The following ACACB variants were observed in gnomAD, a reference collection of about 807,000 sequenced individuals.
ACACB encodes the protein acetyl-CoA carboxylase beta.
In ACACB, 209 loss-of-function variants were observed where a neutral mutation model predicts 278.8. That is an observed-to-expected ratio of 0.75 (90% confidence interval 0.67 to 0.84). The LOEUF is 0.84. Among genes scored for constraint, ACACB ranks in the 40% least tolerant of loss-of-function variants. The pLI is 0.00. For missense variants in ACACB, 2,850 were observed against 3,269.0 expected, an observed-to-expected ratio of 0.87 and a Z score of 3.13; for synonymous variants, 1,174 against 1,285.6, an observed-to-expected ratio of 0.91 and a Z score of 1.86.
At position 109,246,389 on chromosome 12, in the gene ACACB, G is replaced by A. The variant is rs1418231763; in HGVS notation, c.5512G>A (p.Ala1838Thr). 7 of 1,613,596 alleles carry A rather than the reference G, an allele frequency of 4.3e-6. No homozygotes were observed. The highest frequency in any genetic ancestry group is 1.6e-4 in the Middle Eastern group (1 of 6,082). Residue 1838 changes from alanine to threonine, a missense_variant, in exon 39 of 53, where the codon GCA (alanine) becomes ACA (threonine). By Grantham distance (58) the Ala-to-Thr change is moderately conservative (BLOSUM62 0). Coordinates refer to ENST00000338432, the MANE Select transcript of ACACB (RefSeq NM_001093.4). ...CAACAGTGGCGCCCGTATTGGCATG[G>A]CAGAGGAGATCAAACACATGTTCCA... is the stretch of plus-strand genomic sequence containing the variant. The part of the protein sequence containing the change: ...AANSGARIGM[A>T]EEIKHMFHVA...
At chr12:109,151,067 C>A (rs1283611446) in intron 2 of ACACB, among the ~76,000 whole-genome samples, 4 of 150,804 alleles carry the variant, frequency 2.7e-5, no homozygotes, top group Non-Finnish European at 5.9e-5. Flanking sequence ...CAACCTCTAC[C>A]GCCCGGGTCC....
intron 1 of ACACB, among the ~76,000 whole-genome samples, chr12:109,117,527 G>T (rs534300396): frequency 1.3e-5 from 2 of 152,202 alleles, no homozygotes; most frequent in South Asian, 4.1e-4. Flanking sequence ...CCGTGCAAAA[G>T]TCTCCTTGCT....
intron 1 of ACACB, among the ~76,000 whole-genome samples, chr12:109,117,908 G>A (rs1283874277): frequency 5.9e-5 from 9 of 151,996 alleles, no homozygotes; most frequent in Admixed American, 5.9e-4. Context: ...TACCACGCCC[G>A]GCTAATTTTT....
rs1051511273 is a variant in ACACB at position 109,268,121 on chromosome 12, C to G, written c.*1759C>G. On this transcript the variant is annotated 3_prime_UTR_variant, in exon 53 of 53. Coordinates refer to ENST00000338432, the MANE Select transcript of ACACB (RefSeq NM_001093.4). This position sits in a 1 kb window ranked among gnomAD's most constrained non-coding sequence, Gnocchi z 4.2. ...TGAAGGTTTTTCTGTTGGGAAGGCC[C>G]TCTTGGTTTTGGAGAGAAAGACAAG... is the stretch of plus-strand genomic sequence containing the variant. 6.6e-6 allele frequency: 1 copy of G among 152,188 alleles called. No homozygotes were observed. Among genetic ancestry groups the G allele is most frequent in the Non-Finnish European group, 1.5e-5 (1 of 68,052 alleles). The allele number at this position is 152,188 out of a possible 1,614,324, so 9.4% of individuals were successfully genotyped here.
At chr12:109,223,059 G>T (rs889514504) in intron 26 of ACACB, 147 bp downstream of exon 26, 37 of 679,028 alleles carry the variant, frequency 5.4e-5, no homozygotes, top group Non-Finnish European at 8.6e-5. Context: ...GCCCAATGTG[G>T]CCAGGGCTGC....
intron 21 of ACACB, among the ~76,000 whole-genome samples, chr12:109,210,487 A>G (rs1302869526): frequency 4.7e-5 from 7 of 148,616 alleles, no homozygotes; most frequent in Admixed American, 2.0e-4. Context: ...GTATATGTGT[A>G]TATATACATG....
At chr12:109,140,179 A>G in intron 2 of ACACB, 121 bp downstream of exon 2, 3 of 1,069,308 alleles carry the variant, frequency 2.8e-6, no homozygotes, top group South Asian at 2.3e-5. Flanking sequence ...AAGGGTGGCT[A>G]TGCACAAAAG....
intron 1 of ACACB, among the ~76,000 whole-genome samples, chr12:109,135,994 G>A (rs2042958115): frequency 6.6e-6 from 1 of 151,732 alleles, no homozygotes; most frequent in African/African-American, 2.4e-5. Flanking sequence ...TGTATTTTTA[G>A]TAGAGATGGG....
At chr12:109,174,083 T>G in intron 6 of ACACB, 49 bp from the exon 7 acceptor site, 1 of 1,528,434 alleles carries the variant, frequency 6.5e-7, no homozygotes. Flanking sequence ...GCCTCGAGGG[T>G]CTTGTGACTG....
chr12:109,259,606 G>A (rs2047325938), intron 47 of ACACB, among the ~76,000 whole-genome samples: 1 of 151,584 alleles, frequency 6.6e-6, no homozygotes, highest in Non-Finnish European at 1.5e-5. Flanking sequence ...ATGAGGAACT[G>A]AGGGTTGGAG....
intron 1 of ACACB, among the ~76,000 whole-genome samples, chr12:109,120,683 G>A (rs1016617067): frequency 8.5e-5 from 13 of 152,194 alleles, no homozygotes; most frequent in Non-Finnish European, 7.3e-5. Context: ...CACTAGCTCA[G>A]CCTTGGAGTG....
chr12:109,130,768 A>G (rs1366750995), intron 1 of ACACB, among the ~76,000 whole-genome samples: 1 of 152,144 alleles, frequency 6.6e-6, no homozygotes, highest in Non-Finnish European at 1.5e-5. Context: ...GCAAAAGGAC[A>G]TTGCGCCACT....
In ACACB at chr12:109,247,579, C is replaced by T. The variant is rs202226187; in HGVS notation, c.5572-27C>T. ...GGCTTTCAGTGCAGGGAACTGGATT[C>T]GTAGCCTCACTAAAGTATTTTTTAA... On this transcript the variant is annotated intron_variant, in intron 39 of 52. Coordinates refer to ENST00000338432, the MANE Select transcript of ACACB (RefSeq NM_001093.4). 265 of 1,554,478 alleles carry T rather than the reference C, an allele frequency of 1.7e-4. 2 individuals carry two copies. The African/African-American group carries it at 3.4e-3, about 20-fold the overall frequency.
At chr12:109,198,877 C>T (rs1401181858) in intron 17 of ACACB, among the ~76,000 whole-genome samples, 4 of 152,016 alleles carry the variant, frequency 2.6e-5, no homozygotes, top group African/African-American at 9.7e-5. Flanking sequence ...CCTCCCACCT[C>T]GGCCTCCCAA....
At chr12:109,132,550 T>G (rs2042856704) in intron 1 of ACACB, among the ~76,000 whole-genome samples, 1 of 152,164 alleles carries the variant, frequency 6.6e-6, no homozygotes. Flanking sequence ...ATGGCTTGTA[T>G]GTGTGGTTGC....
chr12:109,165,224 T>C (rs575610564), intron 2 of ACACB, among the ~76,000 whole-genome samples: 200 of 152,216 alleles, frequency 1.3e-3, no homozygotes, highest in African/African-American at 4.6e-3. Context: ...ATTCTAGGGA[T>C]GTCAGCAAAG....
intron 37 of ACACB, among the ~76,000 whole-genome samples, chr12:109,243,502 G>A (rs2046856842): frequency 6.6e-6 from 1 of 152,158 alleles, no homozygotes; most frequent in Admixed American, 6.5e-5. Context: ...GGGAGGCTGA[G>A]GCAGGAGAAT....
At position 109,210,270 on chromosome 12, in the gene ACACB, C is replaced by CACACATATCTGTGTATATGTAT. The variant is rs1565927678; in HGVS notation, c.3249+918_3249+919insCACATATCTGTGTATATGTATA. Among the ~76,000 whole-genome samples, 2 of 19,940 alleles carry CACACATATCTGTGTATATGTAT rather than the reference C, an allele frequency of 1.0e-4. 1 individual carries two copies. The highest frequency in any genetic ancestry group is 1.8e-4 in the Non-Finnish European group (2 of 10,882). The allele number at this position is 19,940 out of a possible 152,430, so 13.1% of individuals were successfully genotyped here. On this transcript the variant is annotated intron_variant, in intron 21 of 52. Coordinates refer to ENST00000338432, the MANE Select transcript of ACACB (RefSeq NM_001093.4). ...ATATACACACATGTGTGTATATGTACATATACACACACATATCTGTGTGTA... is the reference window on the plus strand; with the variant it reads ...ATATACACACATGTGTGTATATGTACACACATATCTGTGTATATGTATATATACACACACATATCTGTGTGTA...
intron 19 of ACACB, among the ~76,000 whole-genome samples, chr12:109,203,485 T>C (rs2045397710): frequency 6.6e-6 from 1 of 152,176 alleles, no homozygotes; most frequent in African/African-American, 2.4e-5. Flanking sequence ...TCTCACTGAT[T>C]GTCTTGTTGC....
Sources: gnomAD v4.1 joint callset for allele counts (sites outside exome capture counted in the v4.1 genomes callset) on GRCh38, gnomAD v4.1.1 for gene constraint, Gnocchi (gnomAD v3.1) non-coding constraint, MANE v1.5 for transcripts, NCBI Gene and HGNC (gene_info 2026-07-23, HGNC 2026-07-21) for gene names.